RAD51B: variants seen among roughly 807,000 people sequenced by gnomAD.
The protein encoded by RAD51B is DNA repair protein RAD51 homolog 2.
In RAD51B, 38 loss-of-function variants were observed where a neutral mutation model predicts 42.2. That is an observed-to-expected ratio of 0.90 (90% CI 0.70 to 1.18). The LOEUF is 1.18. Ranked by LOEUF, RAD51B falls within the 50% of genes most tolerant of loss-of-function variation. The pLI, the probability that RAD51B is intolerant of heterozygous loss-of-function variation, is 0.00. For synonymous variants in RAD51B, 154 were observed against 145.2 expected (o/e 1.06, Z -0.43); for missense variants, 373 against 400.7 (o/e 0.93, Z 0.59).
At chr14:68,205,718 T>TTTAA (rs1351713796) in intron 7 of RAD51B, among the ~76,000 whole-genome samples, 1 of 152,128 alleles carries the variant, frequency 6.6e-6, no homozygotes, top group East Asian at 1.9e-4. Context: ...TTGCTAATAT[T>TTTAA]TTACCACATT....
chr14:68,493,200 G>A (rs1043502867), intron 10 of RAD51B, among the ~76,000 whole-genome samples: 1 of 152,190 alleles, frequency 6.6e-6, no homozygotes, highest in African/African-American at 2.4e-5. Flanking sequence ...TGACCCCAGA[G>A]TTAGCTGCAG....
chr14:68,476,048 A>G (rs1882571035), intron 10 of RAD51B, among the ~76,000 whole-genome samples: 1 of 61,566 alleles, frequency 1.6e-5, no homozygotes, highest in Non-Finnish European at 3.8e-5. Context: ...TAAGGCTGAA[A>G]AAAAAAAAAA....
intron 7 of RAD51B, among the ~76,000 whole-genome samples, chr14:68,072,079 A>ATATATATAAATATATATAATTATATATAT (rs1566622978): frequency 5.6e-5 from 6 of 108,000 alleles, no homozygotes; most frequent in African/African-American, 2.5e-4. Flanking sequence ...AAATATATAA[A>ATATATATAAATATATATAATTATATATAT]TATATATAAA....
At chr14:67,835,526 C>T (rs1326622929) in intron 4 of RAD51B, among the ~76,000 whole-genome samples, 2 of 150,210 alleles carry the variant, frequency 1.3e-5, no homozygotes, top group Admixed American at 6.6e-5. Context: ...TACATGCATA[C>T]ATACATTTAT....
chr14:67,885,239 G>T (rs1319645650), intron 5 of RAD51B, among the ~76,000 whole-genome samples: 1 of 152,096 alleles, frequency 6.6e-6, no homozygotes, highest in Non-Finnish European at 1.5e-5. Context: ...ATGAATGATG[G>T]CATTTTAACT....
chr14:67,827,129 C>A (rs1426672731), intron 3 of RAD51B, among the ~76,000 whole-genome samples: 1 of 152,156 alleles, frequency 6.6e-6, no homozygotes, highest in African/African-American at 2.4e-5. Flanking sequence ...GAACAGCTTT[C>A]TTTTATGGGA....
At chr14:67,879,249 T>A (rs2042829177) in intron 5 of RAD51B, among the ~76,000 whole-genome samples, 1 of 152,232 alleles carries the variant, frequency 6.6e-6, no homozygotes, top group Non-Finnish European at 1.5e-5. Context: ...TGTTAAGGCT[T>A]TTCAAGTGAT....
chr14:68,497,657 A>G (rs1331953671), intron 10 of RAD51B: 4 of 504,284 alleles, frequency 7.9e-6, no homozygotes, highest in Admixed American at 5.6e-5. Flanking sequence ...CAAAAGCAAG[A>G]CCCATAACCA....
intron 9 of RAD51B, among the ~76,000 whole-genome samples, chr14:68,448,057 G>A (rs1383604185): frequency 1.3e-5 from 2 of 152,220 alleles, no homozygotes; most frequent in Non-Finnish European, 2.9e-5. Flanking sequence ...GAGCAGGAGG[G>A]GCAGAGGTGA....
intron 9 of RAD51B, among the ~76,000 whole-genome samples, chr14:68,461,714 A>G (rs2085850710): frequency 6.6e-6 from 1 of 152,218 alleles, no homozygotes; most frequent in Admixed American, 6.5e-5. Context: ...GAGAGGGCTA[A>G]TGCGTGAAGG....
intron 9 of RAD51B, among the ~76,000 whole-genome samples, chr14:68,437,325 T>C (rs903885650): frequency 6.6e-6 from 1 of 152,242 alleles, no homozygotes; most frequent in African/African-American, 2.4e-5. Context: ...GATTTGCATA[T>C]GTTGAACCAA....
chr14:68,252,467 CT>C (rs2080655074), intron 7 of RAD51B, among the ~76,000 whole-genome samples: 1 of 152,202 alleles, frequency 6.6e-6, no homozygotes, highest in Non-Finnish European at 1.5e-5. Flanking sequence ...TTCCCTACTT[CT>C]TCACCACCCT....
chr14:67,953,552 G>C (rs2074492675), intron 7 of RAD51B, among the ~76,000 whole-genome samples: 1 of 152,138 alleles, frequency 6.6e-6, no homozygotes, highest in Admixed American at 6.6e-5. Context: ...AATGATTAAT[G>C]GGAAGGATAT....
At chr14:68,477,166 G>A (rs980043149) in intron 10 of RAD51B, among the ~76,000 whole-genome samples, 7 of 152,194 alleles carry the variant, frequency 4.6e-5, no homozygotes, top group Admixed American at 2.6e-4. Flanking sequence ...GTCCCTATGC[G>A]AGGCCAAGTC....
chr14:68,570,901 A>ACACACATG (rs1889669869), intron 10 of RAD51B, among the ~76,000 whole-genome samples: 8 of 151,104 alleles, frequency 5.3e-5, no homozygotes, highest in Non-Finnish European at 8.9e-5. Context: ...ACACACATGC[A>ACACACATG]CACACACACA....
intron 7 of RAD51B, among the ~76,000 whole-genome samples, chr14:68,011,351 C>T (rs2075681254): frequency 6.6e-6 from 1 of 152,078 alleles, no homozygotes; most frequent in Non-Finnish European, 1.5e-5. Context: ...CATTTCCTCA[C>T]TCCCATATCC....
At chr14:67,838,576 A>C (rs151267362) in intron 4 of RAD51B, among the ~76,000 whole-genome samples, 4,655 of 152,008 alleles carry the variant, frequency 0.031, 221 homozygotes, top group African/African-American at 0.1. Flanking sequence ...CCAAGTAGCT[A>C]GGACTACAGG....
At position 68,087,874 on chromosome 14, in the gene RAD51B, A is replaced by T. The variant is rs1440788629; in HGVS notation, c.756+200670A>T. Among the ~76,000 whole-genome samples, 5 of 81,120 alleles carry T rather than the reference A, an allele frequency of 6.2e-5. No homozygotes were observed. The East Asian group carries it at 1.4e-3, about 22-fold the overall frequency. The allele number at this position is 81,120 out of a possible 152,430, so 53.2% of individuals were successfully genotyped here. A position where few individuals can be genotyped will look rare whatever the true frequency, so the allele number is the denominator to read the frequency against. Reference sequence around the variant, plus strand: ...TATATATATAATTATATAATATATTATTTATATAATTATATAATATATTAT... The same window carrying T: ...TATATATATAATTATATAATATATTTTTTATATAATTATATAATATATTAT... On this transcript the variant is annotated intron_variant, in intron 7 of 10. Coordinates refer to ENST00000471583, the MANE Select transcript of RAD51B (RefSeq NM_133510.4).
At chr14:68,605,332 C>T (rs1891403542) in intron 10 of RAD51B, among the ~76,000 whole-genome samples, 1 of 152,208 alleles carries the variant, frequency 6.6e-6, no homozygotes, top group Non-Finnish European at 1.5e-5. Context: ...TCAGCAAGGC[C>T]ATTTTTACTT....
Sources: allele counts gnomAD v4.1 joint callset (sites outside exome capture counted in the v4.1 genomes callset), GRCh38; gene constraint gnomAD v4.1.1; transcripts MANE v1.5; gene names NCBI Gene and HGNC (gene_info 2026-07-23, HGNC 2026-07-21).